Variants in NAV2 observed in about 807,000 individuals in gnomAD.
NAV2 encodes helicase, APC down-regulated 1.
A neutral mutation model predicts 223.2 loss-of-function variants in NAV2; 54 were observed. That is an observed-to-expected ratio of 0.24 (90% CI 0.19 to 0.30). The LOEUF is 0.30. Ranked by LOEUF, NAV2 falls within the 10% of genes least tolerant of loss-of-function variation. The pLI is 1.00. For synonymous variants in NAV2, 1,279 were observed against 1,239.3 expected (o/e 1.03, Z -0.67); for missense variants, 2,806 against 3,147.5 (o/e 0.89, Z 2.60).
chr11:19,568,521 A>C (rs2045334833), intron 1 of NAV2, among the ~76,000 whole-genome samples: 1 of 152,202 alleles, frequency 6.6e-6, no homozygotes, highest in South Asian at 2.1e-4. Context: ...TTACAGTGGC[A>C]AAAGCCAACT....
chr11:19,458,012 T>G (rs1411584822), intron 1 of NAV2, among the ~76,000 whole-genome samples: 2 of 152,194 alleles, frequency 1.3e-5, no homozygotes, highest in Non-Finnish European at 2.9e-5. Flanking sequence ...CTTGCCTTTC[T>G]TATGGCCTCA....
At chr11:20,000,786 T>G (rs796250424) in intron 11 of NAV2, among the ~76,000 whole-genome samples, 60 of 152,290 alleles carry the variant, frequency 3.9e-4, no homozygotes, top group African/African-American at 1.3e-3. Flanking sequence ...TGAGCTCCAC[T>G]GGAGAGCTGG....
chr11:19,887,678 G>T lies in NAV2; in HGVS notation c.771-4756G>T, dbSNP rs112620005. ...AGGTAAGGCAACCAGGCTGCCTCTA[G>T]AAAGTCCCACAGAATTGATCTGTAT... On this transcript the variant is annotated intron_variant, in intron 5 of 37. Transcript: ENST00000349880. Among the ~76,000 whole-genome samples the T allele has an allele frequency of 9.2e-3, 1,398 of 152,274 alleles. 18 individuals carry two copies. Among genetic ancestry groups the T allele is most frequent in the Middle Eastern group, 0.031 (9 of 294 alleles).
intron 1 of NAV2, among the ~76,000 whole-genome samples, chr11:19,633,710 C>G (rs1477634040): frequency 6.6e-6 from 1 of 152,250 alleles, no homozygotes; most frequent in African/African-American, 2.4e-5. Flanking sequence ...GATGCGCAGG[C>G]CTCCTATCTC....
chr11:19,689,562 G>T (rs751844179), intron 1 of NAV2, among the ~76,000 whole-genome samples: 4 of 152,078 alleles, frequency 2.6e-5, no homozygotes, highest in Non-Finnish European at 5.9e-5. Flanking sequence ...ATTGCCTTTT[G>T]GTTTCTGATT....
intron 1 of NAV2, among the ~76,000 whole-genome samples, chr11:19,814,923 G>A (rs1001825269): frequency 6.6e-6 from 1 of 152,142 alleles, no homozygotes; most frequent in Non-Finnish European, 1.5e-5. Context: ...GGCAACATTA[G>A]CATTATTAGG....
At chr11:19,766,542 G>A (rs770679585) in intron 1 of NAV2, among the ~76,000 whole-genome samples, 2 of 152,228 alleles carry the variant, frequency 1.3e-5, no homozygotes, top group African/African-American at 4.8e-5. Context: ...GAGATAAACT[G>A]TCCTTCCCAG....
intron 1 of NAV2, among the ~76,000 whole-genome samples, chr11:19,639,158 C>T (rs2047587676): frequency 6.6e-6 from 1 of 152,158 alleles, no homozygotes; most frequent in Admixed American, 6.5e-5. Flanking sequence ...TCATCATTCC[C>T]CAACAAAGAT....
intron 1 of NAV2, among the ~76,000 whole-genome samples, chr11:19,463,712 G>T (rs2729868): frequency 0.6 from 90,550 of 152,002 alleles, 28,039 homozygotes; most frequent in Non-Finnish European, 0.7. Context: ...TATGTTCAGA[G>T]GCGAGCTGGT....
intron 1 of NAV2, chr11:19,778,098 A>C: frequency 2.5e-6 from 1 of 406,210 alleles, no homozygotes; most frequent in Non-Finnish European, 5.0e-6. Flanking sequence ...GTTTTCAAAA[A>C]TAACCGCCTA....
At position 19,998,463 on chromosome 11, in the gene NAV2, T is replaced by C. The variant is rs950254506; in HGVS notation, c.2768+14216T>C. On this transcript the variant is annotated intron_variant, in intron 11 of 37. Transcript: ENST00000349880. The surrounding 1 kb of genome is among the most constrained non-coding windows in gnomAD (Gnocchi z 5.0). ...TTGTAACCTTAACATATACATCAGA[T>C]CTCCTCTGCCCTTGCCTGAAACCCT... is the stretch of plus-strand genomic sequence containing the variant. Among the ~76,000 whole-genome samples the C allele has an allele frequency of 2.6e-5, 4 of 152,006 alleles. No individual in the cohort carries two copies. The highest frequency in any genetic ancestry group is 6.6e-5 in the Admixed American group (1 of 15,248).
At chr11:19,603,788 A>C (rs1010950794) in intron 1 of NAV2, among the ~76,000 whole-genome samples, 18 of 152,128 alleles carry the variant, frequency 1.2e-4, no homozygotes, top group Admixed American at 1.1e-3. Flanking sequence ...AAGAACTCAA[A>C]AGGAAAATCA....
chr11:19,607,735 G>A (rs868607272), intron 1 of NAV2, among the ~76,000 whole-genome samples: 5 of 152,242 alleles, frequency 3.3e-5, no homozygotes, highest in Admixed American at 1.3e-4. Context: ...TTTGAGATGG[G>A]AACTCAGATT....
At chr11:19,994,062 G>C (rs544510273) in intron 11 of NAV2, among the ~76,000 whole-genome samples, 1 of 152,118 alleles carries the variant, frequency 6.6e-6, no homozygotes, top group East Asian at 1.9e-4. Context: ...CAGAAGCATC[G>C]GGGACTGCAT....
At chr11:19,752,449 C>T (rs529941162) in intron 1 of NAV2, among the ~76,000 whole-genome samples, 2 of 152,276 alleles carry the variant, frequency 1.3e-5, no homozygotes, top group African/African-American at 4.8e-5. Flanking sequence ...AAAATGTCAA[C>T]CATAGGGATG....
chr11:19,671,607 G>A (rs1309531931), intron 1 of NAV2, among the ~76,000 whole-genome samples: 1 of 152,126 alleles, frequency 6.6e-6, no homozygotes, highest in Admixed American at 6.5e-5. Context: ...CCTGTTTCCT[G>A]CACAAGACTG....
intron 1 of NAV2, among the ~76,000 whole-genome samples, chr11:19,679,232 A>T (rs1590077697): frequency 6.6e-6 from 1 of 152,086 alleles, no homozygotes; most frequent in South Asian, 2.1e-4. Context: ...GGAGTTCGAG[A>T]GCAGCCTGGC....
chr11:19,631,635 C>T (rs2047348940), intron 1 of NAV2, among the ~76,000 whole-genome samples: 1 of 152,224 alleles, frequency 6.6e-6, no homozygotes, highest in Admixed American at 6.5e-5. Context: ...CACAGCACTT[C>T]ACTCTCAGTG....
At chr11:20,103,889 T>C (rs117616244) in intron 34 of NAV2, among the ~76,000 whole-genome samples, 165 bp downstream of exon 34, 1 of 152,324 alleles carries the variant, frequency 6.6e-6, no homozygotes, top group East Asian at 1.9e-4. Context: ...CTCAAGTAAT[T>C]ACATTCACCA....
Sources: allele counts gnomAD v4.1 joint callset (sites outside exome capture counted in the v4.1 genomes callset), GRCh38; gene constraint gnomAD v4.1.1; non-coding constraint Gnocchi (gnomAD v3.1); transcripts MANE v1.5; gene names NCBI Gene and HGNC (gene_info 2026-07-23, HGNC 2026-07-21).